TSNARE1: variants seen among roughly 807,000 people sequenced by gnomAD.
The protein encoded by TSNARE1 is t-SNARE domain containing 1.
TSNARE1 carries 49 observed loss-of-function variants against 62.0 expected under a neutral mutation model. The observed-to-expected ratio is 0.79, with a 90% CI of 0.63 to 1.00. The LOEUF is 1.00. Among genes scored for constraint, TSNARE1 ranks in the 50% least tolerant of loss-of-function variants. The pLI, the probability that TSNARE1 is intolerant of heterozygous loss-of-function variation, is 0.00. For missense variants in TSNARE1, 755 were observed against 700.1 expected (o/e 1.08, Z -0.88); for synonymous variants, 328 against 294.4 (o/e 1.11, Z -1.17).
chr8:142,379,610 T>C lies in TSNARE1; in HGVS notation c.-40+23494A>G, dbSNP rs117117155. Among the ~76,000 whole-genome samples the C allele has an allele frequency of 7.8e-3, 1,189 of 152,322 alleles. 24 individuals carry two copies. Among genetic ancestry groups the C allele is most frequent in the South Asian group, 0.073 (354 of 4,830 alleles). On this transcript the variant is annotated intron_variant, in intron 1 of 13. Transcript: ENST00000524325. ...ACGTGCCACAGGTACTTCCACACCCTTGAAAGCCCTTCTCTGCCTGACGGG... is the reference window on the plus strand; with the variant it reads ...ACGTGCCACAGGTACTTCCACACCCCTGAAAGCCCTTCTCTGCCTGACGGG...
At chr8:142,279,976 A>C in intron 11 of TSNARE1, 1 of 1,131,400 alleles carries the variant, frequency 8.8e-7, no homozygotes, top group African/African-American at 1.7e-5. Flanking sequence ...GCCCTCCGCC[A>C]GCTTCTTGCG....
rs1832939460 is a variant in TSNARE1 at position 142,343,791 on chromosome 8, A to AGGG, written c.745+174_745+175insCCC. On this transcript the variant is annotated intron_variant, in intron 4 of 13. Coordinates refer to ENST00000524325, the MANE Select transcript of TSNARE1 (RefSeq NM_145003.5). ...GGAGAAGAGGAGGAGGAGGAGGAGGAGGAGGGGGAGGAGGAGGAGGAGGGG... is the reference window on the plus strand; with the variant it reads ...GGAGAAGAGGAGGAGGAGGAGGAGGAGGGGGAGGGGGAGGAGGAGGAGGAGGGG... Among the ~76,000 whole-genome samples, 3 of 40,522 alleles carry AGGG rather than the reference A, an allele frequency of 7.4e-5. No individual in the cohort carries two copies. In the African/African-American group the frequency reaches 8.1e-4, roughly 11 times the overall value. The allele number at this position is 40,522 out of a possible 152,430, so 26.6% of individuals were successfully genotyped here. A position where few individuals can be genotyped will look rare whatever the true frequency, so the allele number is the denominator to read the frequency against.
At chr8:142,261,062 C>CAGGAGGGAGGGAGGAGAGGAAGAAGG (rs1818854142) in intron 12 of TSNARE1, among the ~76,000 whole-genome samples, 1 of 11,918 alleles carries the variant, frequency 8.4e-5, no homozygotes, top group Non-Finnish European at 1.8e-4. Flanking sequence ...AAGAGGGAAG[C>CAGGAGGGAGGGAGGAGAGGAAGAAGG]AGGAGGGAGG....
intron 13 of TSNARE1, among the ~76,000 whole-genome samples, chr8:142,224,633 G>A (rs1816686569): frequency 6.6e-6 from 1 of 152,186 alleles, no homozygotes; most frequent in African/African-American, 2.4e-5. Context: ...TTGCTTCCAG[G>A]CTCCTGTGAG....
At chr8:142,366,586 A>G (rs1166848287) in intron 1 of TSNARE1, among the ~76,000 whole-genome samples, 2 of 152,218 alleles carry the variant, frequency 1.3e-5, no homozygotes, top group Non-Finnish European at 2.9e-5. Flanking sequence ...CAGCATCAAC[A>G]GAGTTGAACG....
At chr8:142,279,384 G>A (rs767580045) in intron 11 of TSNARE1, among the ~76,000 whole-genome samples, 1 of 152,176 alleles carries the variant, frequency 6.6e-6, no homozygotes, top group Non-Finnish European at 1.5e-5. Flanking sequence ...GGGCACCCTG[G>A]GCTGCACCCG....
At chr8:142,229,114 A>G (rs1426548928) in intron 13 of TSNARE1, among the ~76,000 whole-genome samples, 2 of 148,492 alleles carry the variant, frequency 1.3e-5, no homozygotes, top group African/African-American at 2.5e-5. Flanking sequence ...GGAAGGATGG[A>G]TGGATAAATG....
chr8:142,299,724 A>T (rs1292334866), intron 10 of TSNARE1, among the ~76,000 whole-genome samples: 6 of 151,968 alleles, frequency 3.9e-5, no homozygotes, highest in African/African-American at 1.5e-4. Context: ...ACGCACTCAC[A>T]TGCACGCACA....
intron 1 of TSNARE1, among the ~76,000 whole-genome samples, chr8:142,378,001 C>G (rs565269609): frequency 6.6e-6 from 1 of 152,252 alleles, no homozygotes; most frequent in Non-Finnish European, 1.5e-5. Flanking sequence ...CCATCCCACA[C>G]AGGGATCCGC....
chr8:142,330,781 C>A, intron 6 of TSNARE1, 120 bp downstream of exon 6: 5 of 963,984 alleles, frequency 5.2e-6, no homozygotes, highest in Admixed American at 2.0e-5. Context: ...TGTGTCCAGG[C>A]AGCTGTGCGC....
chr8:142,273,867 A>G, intron 12 of TSNARE1: 3 of 985,154 alleles, frequency 3.0e-6, no homozygotes, highest in Non-Finnish European at 3.6e-6. Context: ...GTGATATCCC[A>G]GCGTCCTGGG....
At chr8:142,388,112 C>T (rs938744014) in intron 1 of TSNARE1, among the ~76,000 whole-genome samples, 2 of 152,112 alleles carry the variant, frequency 1.3e-5, no homozygotes, top group South Asian at 2.1e-4. Flanking sequence ...TTAGCAACTT[C>T]GTTTGTATAA....
chr8:142,291,904 AG>A lies in TSNARE1; in HGVS notation c.1291-7420del, dbSNP rs1376858905. Among the ~76,000 whole-genome samples the A allele has an allele frequency of 4.6e-5, 7 of 152,164 alleles. No homozygotes were observed. The highest frequency in any genetic ancestry group is 1.7e-4 in the African/African-American group (7 of 41,512). On this transcript the variant is annotated intron_variant, in intron 10 of 13. Transcript: ENST00000524325. The surrounding 1 kb of genome is among the most constrained non-coding windows in gnomAD (Gnocchi z 4.8). Reference sequence around the variant, plus strand: ...TGGGGTGAGGAATGAGGGAGAGGACAGTCCATTGGGAGTACGGGGTCAGCTG... The same window carrying A: ...TGGGGTGAGGAATGAGGGAGAGGACATCCATTGGGAGTACGGGGTCAGCTG...
At chr8:142,280,648 T>G (rs2130778620) in intron 11 of TSNARE1, among the ~76,000 whole-genome samples, 1 of 152,274 alleles carries the variant, frequency 6.6e-6, no homozygotes, top group South Asian at 2.1e-4. Context: ...TGATCAGTCC[T>G]TCACTGGGAC....
Position 142,347,177 on chromosome 8 carries a change from G to A in TSNARE1, c.89-1285C>T, listed in dbSNP as rs140169943. On this transcript the variant is annotated intron_variant, in intron 2 of 13. Transcript: ENST00000524325. ...GGGCAGCTGCCTGGCTCATTTCGGG[G>A]CGGAGGTTTCCGCAGGGCAGAGAAG... Among the ~76,000 whole-genome samples, 914 of 152,358 alleles carry A rather than the reference G, an allele frequency of 6.0e-3. 9 individuals are homozygous for A. Among genetic ancestry groups the A allele is most frequent in the African/African-American group, 0.021 (857 of 41,590 alleles).
At chr8:142,273,054 C>T in intron 12 of TSNARE1, 1 of 985,426 alleles carries the variant, frequency 1.0e-6, no homozygotes, top group Non-Finnish European at 1.2e-6. Flanking sequence ...GAGCCTTGCC[C>T]ACCTCCTCTG....
intron 6 of TSNARE1, among the ~76,000 whole-genome samples, chr8:142,328,583 GA>G (rs1056662260): frequency 4.6e-5 from 7 of 152,210 alleles, no homozygotes; most frequent in African/African-American, 1.7e-4. Flanking sequence ...GCCTTGCTGA[GA>G]AAATTATTTG....
intron 1 of TSNARE1, chr8:142,402,857 G>A (rs1239189182): frequency 6.6e-6 from 1 of 152,174 alleles, no homozygotes; most frequent in African/African-American, 2.4e-5. Context: ...TCCCCGAAAT[G>A]CGGCGCTCTC....
intron 12 of TSNARE1, among the ~76,000 whole-genome samples, chr8:142,262,550 G>T (rs1412807363): frequency 6.6e-6 from 1 of 152,084 alleles, no homozygotes; most frequent in African/African-American, 2.4e-5. Context: ...CTTCAGTGTT[G>T]GAGGCCTGGT....
Sources: allele counts gnomAD v4.1 joint callset (sites outside exome capture counted in the v4.1 genomes callset), GRCh38; gene constraint gnomAD v4.1.1; non-coding constraint Gnocchi (gnomAD v3.1); transcripts MANE v1.5; gene names NCBI Gene and HGNC (gene_info 2026-07-23, HGNC 2026-07-21).